LONP2: variants seen among roughly 807,000 people sequenced by gnomAD.
The protein encoded by LONP2 is lon protease homolog 2, peroxisomal.
Under a neutral mutation model 85.6 loss-of-function variants are expected in LONP2, and 60 were observed. The ratio of observed to expected loss-of-function variants is 0.70; its 90% CI spans 0.57 to 0.87. The LOEUF (loss-of-function observed/expected upper bound fraction) is 0.87. Ranked by LOEUF, LONP2 falls within the 40% of genes least tolerant of loss-of-function variation. The pLI, the probability that LONP2 is intolerant of heterozygous loss-of-function variation, is 0.00. For synonymous variants in LONP2, 395 were observed against 389.7 expected (o/e 1.01, Z -0.16); for missense variants, 860 against 1,063.5 (o/e 0.81, Z 2.66).
chr16:48,311,946 T>C (rs1489291951), intron 11 of LONP2, among the ~76,000 whole-genome samples: 1 of 151,606 alleles, frequency 6.6e-6, no homozygotes. Flanking sequence ...GCTTCTTCTT[T>C]TTTTTTTTTT....
chr16:48,246,377 T>C (rs1437800433), intron 1 of LONP2, among the ~76,000 whole-genome samples: 1 of 152,214 alleles, frequency 6.6e-6, no homozygotes, highest in Non-Finnish European at 1.5e-5. Context: ...TATTTTGCCT[T>C]CTGTGCCCAG....
At chr16:48,282,292 T>A (rs1031882333) in intron 8 of LONP2, among the ~76,000 whole-genome samples, 5 of 150,956 alleles carry the variant, frequency 3.3e-5, no homozygotes. Flanking sequence ...ATGCCTGTAA[T>A]CCCAGCCACT....
intron 11 of LONP2, among the ~76,000 whole-genome samples, chr16:48,314,401 T>C (rs1973099033): frequency 6.6e-6 from 1 of 152,204 alleles, no homozygotes; most frequent in African/African-American, 2.4e-5. Context: ...TGAATGGTAT[T>C]GCCTAGATTT....
intron 1 of LONP2, among the ~76,000 whole-genome samples, chr16:48,248,436 G>A (rs1187520207): frequency 6.6e-6 from 1 of 151,734 alleles, no homozygotes; most frequent in Non-Finnish European, 1.5e-5. Context: ...CTACCTTTTT[G>A]AATCTCATTT....
chr16:48,264,194 G>A (rs752016834), intron 6 of LONP2, among the ~76,000 whole-genome samples: 1 of 151,950 alleles, frequency 6.6e-6, no homozygotes, highest in Non-Finnish European at 1.5e-5. Context: ...TTGAGATAAC[G>A]GATCTGACCA....
chr16:48,345,412 T>C (rs771928350), intron 12 of LONP2: 17 of 152,252 alleles, frequency 1.1e-4, no homozygotes, highest in Non-Finnish European at 2.2e-4. Context: ...GAAAGGAGCC[T>C]GAATGAAGTC....
At position 48,287,720 on chromosome 16, in the gene LONP2, A is replaced by C. The variant is rs570202904; in HGVS notation, c.1384-8295A>C. ...TGAGAGAAAGGGATGAGTGTAAAGC[A>C]AGTTAAAATATCACAAAGCTCGTTC... On this transcript the variant is annotated intron_variant, in intron 8 of 14. Coordinates refer to ENST00000285737, the MANE Select transcript of LONP2 (RefSeq NM_031490.5). Among the ~76,000 whole-genome samples the C allele has an allele frequency of 7.2e-5, 11 of 152,348 alleles. No homozygotes were observed. The South Asian group carries it at 2.3e-3, about 32-fold the overall frequency.
chr16:48,285,965 C>T (rs111457420), intron 8 of LONP2, among the ~76,000 whole-genome samples: 25 of 152,070 alleles, frequency 1.6e-4, no homozygotes, highest in Admixed American at 2.0e-4. Flanking sequence ...TCCCTCAGTC[C>T]CTGGCAGCTA....
intron 1 of LONP2, among the ~76,000 whole-genome samples, 199 bp from the exon 2 acceptor site, chr16:48,251,932 G>A (rs1483723304): frequency 1.3e-5 from 2 of 152,184 alleles, no homozygotes; most frequent in East Asian, 3.8e-4. Context: ...ATAGTGAGAT[G>A]GTCTGCTTTG....
At chr16:48,332,607 A>T (rs999962702) in intron 11 of LONP2, among the ~76,000 whole-genome samples, 27 of 152,202 alleles carry the variant, frequency 1.8e-4, no homozygotes, top group African/African-American at 5.8e-4. Context: ...AGCTACAGGG[A>T]GGTTGAGCCA....
At chr16:48,304,163 A>G (rs1157989858) in intron 11 of LONP2, among the ~76,000 whole-genome samples, 1 of 152,228 alleles carries the variant, frequency 6.6e-6, no homozygotes, top group African/African-American at 2.4e-5. Flanking sequence ...TCTGACCCAG[A>G]CAGTTAAGTC....
At chr16:48,252,539 C>G (rs1465393201) in intron 2 of LONP2, among the ~76,000 whole-genome samples, 174 bp downstream of exon 2, 1 of 152,106 alleles carries the variant, frequency 6.6e-6, no homozygotes, top group Non-Finnish European at 1.5e-5. Flanking sequence ...CTAAATCATT[C>G]CAGGACATAT....
chr16:48,308,304 T>G (rs1439628831), intron 11 of LONP2, among the ~76,000 whole-genome samples: 1 of 152,072 alleles, frequency 6.6e-6, no homozygotes, highest in Non-Finnish European at 1.5e-5. Flanking sequence ...AGAATGAAAC[T>G]GAACCACTCT....
At chr16:48,270,506 C>T (rs1972081697) in intron 7 of LONP2, among the ~76,000 whole-genome samples, 1 of 152,146 alleles carries the variant, frequency 6.6e-6, no homozygotes, top group African/African-American at 2.4e-5. Flanking sequence ...TGTGCCTCAA[C>T]TTTCCTGGAA....
chr16:48,316,295 T>C (rs1473548075), intron 11 of LONP2, among the ~76,000 whole-genome samples: 1 of 150,388 alleles, frequency 6.6e-6, no homozygotes, highest in Non-Finnish European at 1.5e-5. Flanking sequence ...ATTACAGGCA[T>C]GAGCCACCGC....
intron 8 of LONP2, among the ~76,000 whole-genome samples, chr16:48,284,520 C>T (rs1972396705): frequency 6.6e-6 from 1 of 152,196 alleles, no homozygotes; most frequent in South Asian, 2.1e-4. Flanking sequence ...TGAGACAAGA[C>T]ACTCCACCAG....
Position 48,348,152 on chromosome 16 carries a change from A to G in LONP2, c.2199A>G (p.Pro733=), listed in dbSNP as rs759722898. The change falls in exon 14 of 15, where the codon CCA becomes CCG. Residue 733 remains proline, a synonymous_variant. Transcript: ENST00000285737. ...ACACAGACATCCATCTGCACTTCCC[A>G]GCTGGAGCTGTCACAAAAGATGGAC... ...LDNTDIHLHF[P]AGAVTKDGPS... 1.6e-5 allele frequency: 26 copies of G among 1,611,968 alleles called. No homozygotes were observed. In the South Asian group the frequency reaches 2.8e-4, roughly 17 times the overall value.
intron 11 of LONP2, among the ~76,000 whole-genome samples, chr16:48,330,535 T>C (rs1359350421): frequency 6.6e-6 from 1 of 152,240 alleles, no homozygotes; most frequent in Non-Finnish European, 1.5e-5. Context: ...GGTGCACATA[T>C]AACCGGGGGT....
chr16:48,321,942 T>C (rs1277128860), intron 11 of LONP2, among the ~76,000 whole-genome samples: 1 of 151,510 alleles, frequency 6.6e-6, no homozygotes, highest in African/African-American at 2.4e-5. Context: ...TTTAATTTTT[T>C]TCTTTTTTTT....
Sources: allele counts gnomAD v4.1 joint callset (sites outside exome capture counted in the v4.1 genomes callset), GRCh38; gene constraint gnomAD v4.1.1; transcripts MANE v1.5; gene names NCBI Gene and HGNC (gene_info 2026-07-23, HGNC 2026-07-21).